Variants in DOCK10 observed in about 807,000 individuals in gnomAD.
DOCK10 encodes the protein dedicator of cytokinesis 10.
In DOCK10, 145 loss-of-function variants were observed where a neutral mutation model predicts 280.1. The observed-to-expected ratio is 0.52, with a 90% CI of 0.45 to 0.59. DOCK10 has a LOEUF of 0.59. DOCK10 is among the 20% of genes least tolerant of loss of function. The probability of loss-of-function intolerance (pLI) is 0.00; values close to 1 mark genes in which losing one functional copy is unlikely to be tolerated. For synonymous variants in DOCK10, 915 were observed against 942.2 expected, an observed-to-expected ratio of 0.97 and a Z score of 0.53; for missense variants, 2,368 against 2,651.7, an observed-to-expected ratio of 0.89 and a Z score of 2.35.
In DOCK10 at chr2:224,815,416, C is replaced by G. The variant is rs958529829; in HGVS notation, c.3365-1052G>C. 9.9e-4 allele frequency among the ~76,000 whole-genome samples: 151 copies of G among 151,910 alleles called. 3 individuals carry two copies. The highest frequency in any genetic ancestry group is 9.9e-3 in the Admixed American group (151 of 15,232). ...AAAATGACCAAATAAAGATTTGGTC[C>G]TCTTGAATATCTCAATCAGCCTGGC... On this transcript the variant is annotated intron_variant, in intron 30 of 55. Coordinates refer to ENST00000258390, the MANE Select transcript of DOCK10 (RefSeq NM_014689.3).
chr2:224,921,109 A>ATATATATATATATATATATATATAT (rs1559767727), intron 2 of DOCK10, among the ~76,000 whole-genome samples: 55 of 79,652 alleles, frequency 6.9e-4, no homozygotes, highest in African/African-American at 3.2e-3. Flanking sequence ...AAAAAAAAAA[A>ATATATATATATATATATATATATAT]AAAATATATA....
intron 8 of DOCK10, 142 bp downstream of exon 8, chr2:224,875,896 G>A: frequency 1.4e-6 from 1 of 740,730 alleles, no homozygotes; most frequent in Non-Finnish European, 2.1e-6. Context: ...AGATTTAGGA[G>A]TGATTTAGTG....
At chr2:224,999,275 G>T (rs1282682678) in intron 1 of DOCK10, among the ~76,000 whole-genome samples, 1 of 148,378 alleles carries the variant, frequency 6.7e-6, no homozygotes, top group Non-Finnish European at 1.5e-5. Context: ...TAAGGGTCTC[G>T]CTATGTTGCC....
At chr2:224,934,557 G>C (rs574921174) in intron 1 of DOCK10, among the ~76,000 whole-genome samples, 1 of 152,312 alleles carries the variant, frequency 6.6e-6, no homozygotes, top group South Asian at 2.1e-4. Context: ...GCGAGAATCC[G>C]GACTACATAA....
intron 3 of DOCK10, among the ~76,000 whole-genome samples, chr2:224,897,660 G>C (rs1001133020): frequency 6.6e-6 from 1 of 151,996 alleles, no homozygotes; most frequent in African/African-American, 2.4e-5. Flanking sequence ...TTCTCTTTCT[G>C]TGCCTGGCTT....
At chr2:224,779,319 G>A (rs756144995) in intron 50 of DOCK10, among the ~76,000 whole-genome samples, 7 of 151,644 alleles carry the variant, frequency 4.6e-5, no homozygotes, top group Admixed American at 2.6e-4. Context: ...GGGTTCAAGC[G>A]ATTCTCCTAC....
chr2:224,901,565 C>T (rs1191967875), intron 3 of DOCK10, among the ~76,000 whole-genome samples: 2 of 152,190 alleles, frequency 1.3e-5, no homozygotes, highest in South Asian at 4.1e-4. Flanking sequence ...TGGTCAAAGG[C>T]TTTTGTGCCA....
chr2:224,829,101 A>G (rs1695055725), intron 27 of DOCK10, among the ~76,000 whole-genome samples: 1 of 152,232 alleles, frequency 6.6e-6, no homozygotes, highest in African/African-American at 2.4e-5. Context: ...TACTCAGGCT[A>G]CTGTACACTG....
At chr2:225,010,093 A>G (rs1689392212) in intron 1 of DOCK10, among the ~76,000 whole-genome samples, 1 of 152,108 alleles carries the variant, frequency 6.6e-6, no homozygotes, top group African/African-American at 2.4e-5. Context: ...CAGGTCCACT[A>G]GGCAGTTCTG....
chr2:225,015,570 G>A (rs1209998061), intron 1 of DOCK10, among the ~76,000 whole-genome samples: 2 of 152,174 alleles, frequency 1.3e-5, no homozygotes, highest in African/African-American at 2.4e-5. Context: ...CATACTGATA[G>A]GAAATACCTG....
chr2:224,989,919 G>A (rs975575253), intron 1 of DOCK10, among the ~76,000 whole-genome samples: 3 of 151,934 alleles, frequency 2.0e-5, no homozygotes, highest in Non-Finnish European at 2.9e-5. Context: ...CTTTTCCTTC[G>A]GTTTCTCTGT....
chr2:224,974,916 T>C (rs1705341569), intron 1 of DOCK10, among the ~76,000 whole-genome samples: 2 of 137,194 alleles, frequency 1.5e-5, no homozygotes, highest in South Asian at 4.7e-4. Context: ...TATCTACATA[T>C]AGTTGAATTT....
At chr2:224,968,822 C>G (rs1392610367) in intron 1 of DOCK10, among the ~76,000 whole-genome samples, 1 of 152,200 alleles carries the variant, frequency 6.6e-6, no homozygotes, top group Non-Finnish European at 1.5e-5. Context: ...TATAGTGCAT[C>G]TATGGATATG....
chr2:224,935,469 T>G (rs750878238), intron 1 of DOCK10, among the ~76,000 whole-genome samples: 1 of 152,224 alleles, frequency 6.6e-6, no homozygotes, highest in Non-Finnish European at 1.5e-5. Context: ...AGTATAGGTT[T>G]TCTATGTTAC....
chr2:224,849,206 C>A (rs1030780004), intron 19 of DOCK10, among the ~76,000 whole-genome samples: 1 of 152,184 alleles, frequency 6.6e-6, no homozygotes, highest in Non-Finnish European at 1.5e-5. Context: ...GATCTCCTGA[C>A]CTTGTGATCC....
intron 3 of DOCK10, among the ~76,000 whole-genome samples, chr2:224,904,168 T>C (rs1700459878): frequency 6.6e-6 from 1 of 152,314 alleles, no homozygotes; most frequent in Non-Finnish European, 1.5e-5. Flanking sequence ...AATATCTTAA[T>C]TTTTCCATTA....
rs116107109 is a variant in DOCK10 at position 224,934,548 on chromosome 2, C to T, written c.124-2880G>A. On this transcript the variant is annotated intron_variant, in intron 1 of 55. Transcript: ENST00000258390. ...CAGATGCTTTACACATCTGTGATGGCGAGAATCCGGACTACATAACCAGTA... is the reference window on the plus strand; with the variant it reads ...CAGATGCTTTACACATCTGTGATGGTGAGAATCCGGACTACATAACCAGTA... 5.4e-3 allele frequency among the ~76,000 whole-genome samples: 825 copies of T among 152,292 alleles called. 5 individuals carry two copies. The highest frequency in any genetic ancestry group is 0.018 in the African/African-American group (768 of 41,562).
intron 39 of DOCK10, among the ~76,000 whole-genome samples, chr2:224,803,676 G>A (rs1693164817): frequency 6.6e-6 from 1 of 152,042 alleles, no homozygotes; most frequent in Non-Finnish European, 1.5e-5. Flanking sequence ...AACAATTTCA[G>A]CTTCAAGAAC....
intron 4 of DOCK10, among the ~76,000 whole-genome samples, chr2:224,894,229 A>T (rs1481425119): frequency 6.6e-6 from 1 of 152,092 alleles, no homozygotes; most frequent in African/African-American, 2.4e-5. Context: ...AATGTCCGGG[A>T]TTGGTTTTTT....
Sources: allele counts gnomAD v4.1 joint callset (sites outside exome capture counted in the v4.1 genomes callset), GRCh38; gene constraint gnomAD v4.1.1; transcripts MANE v1.5; gene names NCBI Gene and HGNC (gene_info 2026-07-23, HGNC 2026-07-21).